ADK: variants seen among roughly 807,000 people sequenced by gnomAD.
ADK encodes N6,N6-dimethyladenosine kinase.
ADK carries 24 observed loss-of-function variants against 44.7 expected under a neutral mutation model. The observed-to-expected ratio is 0.54, with a 90% CI of 0.39 to 0.76. ADK has a LOEUF of 0.76. Among genes scored for constraint, ADK ranks in the 30% least tolerant of loss-of-function variants. The pLI is 0.00. For synonymous variants in ADK, 128 were observed against 142.6 expected, an observed-to-expected ratio of 0.90 and a Z score of 0.73; for missense variants, 321 against 425.1, an observed-to-expected ratio of 0.76 and a Z score of 2.15.
intron 9 of ADK, among the ~76,000 whole-genome samples, chr10:74,626,619 T>C (rs1853215378): frequency 6.6e-6 from 1 of 152,180 alleles, no homozygotes; most frequent in Non-Finnish European, 1.5e-5. Context: ...TCTAAATTTA[T>C]AGGATGTATA....
chr10:74,696,800 T>C (rs542298426), intron 10 of ADK, among the ~76,000 whole-genome samples: 127 of 152,346 alleles, frequency 8.3e-4, no homozygotes, highest in Non-Finnish European at 1.5e-3. Context: ...TTTCACTTGC[T>C]TTCTTAAAAA....
chr10:74,324,310 G>A (rs1840933161), intron 4 of ADK, among the ~76,000 whole-genome samples: 1 of 152,180 alleles, frequency 6.6e-6, no homozygotes, highest in Non-Finnish European at 1.5e-5. Flanking sequence ...GATTACAGTT[G>A]TGAGCCACTG....
At chr10:74,419,332 A>G (rs916838456) in intron 6 of ADK, among the ~76,000 whole-genome samples, 2 of 152,000 alleles carry the variant, frequency 1.3e-5, no homozygotes, top group Non-Finnish European at 2.9e-5. Flanking sequence ...TCCCCCCCCC[A>G]AAAATCCCTT....
chr10:74,530,758 T>C (rs1849253046), intron 7 of ADK, among the ~76,000 whole-genome samples: 2 of 152,040 alleles, frequency 1.3e-5, no homozygotes, highest in Admixed American at 6.6e-5. Context: ...AAACCCCCTC[T>C]CTACTAAAAA....
chr10:74,237,889 G>A (rs969916233), intron 3 of ADK, among the ~76,000 whole-genome samples: 5 of 152,016 alleles, frequency 3.3e-5, no homozygotes, highest in Admixed American at 6.6e-5. Flanking sequence ...ACCTGAGGTC[G>A]GGAGTTCGAG....
chr10:74,237,617 C>T (rs1014200326), intron 3 of ADK, among the ~76,000 whole-genome samples: 14 of 152,148 alleles, frequency 9.2e-5, no homozygotes, highest in African/African-American at 2.9e-4. Flanking sequence ...AGAGGAATCA[C>T]GGTCTATGGC....
intron 7 of ADK, among the ~76,000 whole-genome samples, chr10:74,539,028 C>G (rs576316281): frequency 1.3e-5 from 2 of 152,076 alleles, no homozygotes; most frequent in East Asian, 1.9e-4. Flanking sequence ...TGGTTAAGAG[C>G]CTTTTTTTCT....
intron 6 of ADK, among the ~76,000 whole-genome samples, chr10:74,399,837 T>C (rs1307322810): frequency 6.6e-6 from 1 of 152,120 alleles, no homozygotes; most frequent in Non-Finnish European, 1.5e-5. Context: ...CAGTGTATTC[T>C]GATGAAAAAG....
At chr10:74,488,245 A>G (rs573483500) in intron 6 of ADK, among the ~76,000 whole-genome samples, 16 of 151,970 alleles carry the variant, frequency 1.1e-4, no homozygotes, top group Admixed American at 2.6e-4. Context: ...ATCCTTGACT[A>G]TATATTAGAT....
rs867813981 is a variant in ADK at position 74,247,833 on chromosome 10, T to C, written c.194+23242T>C. 3.9e-5 allele frequency among the ~76,000 whole-genome samples: 6 copies of C among 152,070 alleles called. No individual in the cohort carries two copies. The East Asian group carries it at 5.8e-4, about 15-fold the overall frequency. ...CTTTTACTGTCTTTTTTCCTTTTTT[T>C]CCCCCCTTCTTCAACAACAAAACAT... On this transcript the variant is annotated intron_variant, in intron 3 of 10. Coordinates refer to ENST00000539909, the MANE Select transcript of ADK (RefSeq NM_006721.4).
rs554238048 is a variant in ADK, at chr10:74,304,160, G to A, written c.195-10507G>A. On this transcript the variant is annotated intron_variant, in intron 3 of 10. Transcript: ENST00000539909. ...TTTTCTTCATTACTTAGTACAGTGG[G>A]GATTGAGAATGCTTTGTATCAAGTG... Among the ~76,000 whole-genome samples the A allele has an allele frequency of 2.0e-5, 3 of 152,128 alleles. No individual in the cohort carries two copies. The South Asian group carries it at 6.2e-4, about 32-fold the overall frequency.
intron 2 of ADK, among the ~76,000 whole-genome samples, chr10:74,211,225 C>T (rs891604153): frequency 1.3e-5 from 2 of 152,184 alleles, no homozygotes; most frequent in Middle Eastern, 6.8e-3. Context: ...ATATTTTTTT[C>T]TACAGCTTTC....
chr10:74,491,114 C>T (rs1029971294), intron 6 of ADK, among the ~76,000 whole-genome samples: 5 of 151,938 alleles, frequency 3.3e-5, no homozygotes, highest in South Asian at 2.1e-4. Context: ...TATTAAATAC[C>T]GGATCAGCTT....
chr10:74,497,529 G>A (rs1847734634), intron 6 of ADK, among the ~76,000 whole-genome samples: 1 of 152,176 alleles, frequency 6.6e-6, no homozygotes, highest in African/African-American at 2.4e-5. Flanking sequence ...TGAGTGCTAT[G>A]TGCCAGGCAT....
chr10:74,283,664 C>T (rs1254034418), intron 3 of ADK, among the ~76,000 whole-genome samples: 21 of 139,962 alleles, frequency 1.5e-4, no homozygotes, highest in Non-Finnish European at 3.2e-4. Flanking sequence ...GACGGAGTTT[C>T]GCTCTTGTTT....
chr10:74,477,256 G>A (rs1846885759), intron 6 of ADK, among the ~76,000 whole-genome samples: 1 of 152,096 alleles, frequency 6.6e-6, no homozygotes, highest in Admixed American at 6.5e-5. Context: ...CTAGGCTGGA[G>A]TACAGTGGCA....
intron 5 of ADK, among the ~76,000 whole-genome samples, chr10:74,395,066 A>G (rs574499465): frequency 6.6e-6 from 1 of 152,280 alleles, no homozygotes; most frequent in Non-Finnish European, 1.5e-5. Context: ...CAAGGGAAAA[A>G]CAAAATAACT....
At chr10:74,297,747 T>C (rs7900243) in intron 3 of ADK, among the ~76,000 whole-genome samples, 110,342 of 152,114 alleles carry the variant, frequency 0.73, 40,646 homozygotes, top group Middle Eastern at 0.86. Context: ...ATATGAAATT[T>C]AAATTTTAGT....
chr10:74,704,507 T>G (rs1348180254), intron 10 of ADK, among the ~76,000 whole-genome samples: 2 of 152,212 alleles, frequency 1.3e-5, no homozygotes, highest in African/African-American at 4.8e-5. Context: ...TTATAACTGA[T>G]TATGTAGTAT....
Sources: allele counts gnomAD v4.1 joint callset (sites outside exome capture counted in the v4.1 genomes callset), GRCh38; gene constraint gnomAD v4.1.1; transcripts MANE v1.5; gene names NCBI Gene and HGNC (gene_info 2026-07-23, HGNC 2026-07-21).